Variants in CHN2 observed in about 807,000 individuals in gnomAD.
CHN2 encodes beta-chimaerin.
CHN2 carries 35 observed loss-of-function variants against 56.3 expected under a neutral mutation model. The ratio of observed to expected loss-of-function variants is 0.62; its 90% confidence interval spans 0.47 to 0.82. The LOEUF is 0.82. Among genes scored for constraint, CHN2 ranks in the 40% least tolerant of loss-of-function variants. The pLI is 0.00. For synonymous variants in CHN2, 210 were observed against 212.8 expected (o/e 0.99, Z 0.12); for missense variants, 491 against 580.5 (o/e 0.85, Z 1.58).
At chr7:29,401,611 G>A (rs571149000) in intron 6 of CHN2, among the ~76,000 whole-genome samples, 2 of 152,278 alleles carry the variant, frequency 1.3e-5, no homozygotes, top group East Asian at 3.9e-4. Context: ...AGGTTTCACT[G>A]ACAGATATGG....
At chr7:29,168,101 A>G (rs573661345) in intron 2 of CHN2, among the ~76,000 whole-genome samples, 99 of 152,348 alleles carry the variant, frequency 6.5e-4, no homozygotes, top group African/African-American at 2.3e-3. Context: ...TACCTAGCAT[A>G]TCATAACATA....
chr7:29,325,729 CT>C lies in CHN2; in HGVS notation c.50-28894del, dbSNP rs1795746453. Among the ~76,000 whole-genome samples the C allele has an allele frequency of 2.6e-5, 4 of 152,348 alleles. No individual in the cohort carries two copies. In the South Asian group the frequency reaches 8.3e-4, roughly 32 times the overall value. On this transcript the variant is annotated intron_variant, in intron 1 of 12. Coordinates refer to ENST00000222792, the MANE Select transcript of CHN2 (RefSeq NM_004067.4). ...AAAGGAAAACACCCTGAATTGCTCACTTACGGCTGGTCTGAAAAATGTTTCC... is the reference window on the plus strand; with the variant it reads ...AAAGGAAAACACCCTGAATTGCTCACTACGGCTGGTCTGAAAAATGTTTCC...
chr7:29,417,316 A>AT (rs5883208), intron 6 of CHN2, among the ~76,000 whole-genome samples: 65,089 of 147,420 alleles, frequency 0.44, 15,679 homozygotes, highest in East Asian at 0.63. Context: ...TCTTTGTGAC[A>AT]TTTTTTTACT....
chr7:29,338,333 G>A (rs1796782706), intron 1 of CHN2, among the ~76,000 whole-genome samples: 1 of 152,184 alleles, frequency 6.6e-6, no homozygotes, highest in African/African-American at 2.4e-5. Flanking sequence ...AGTGCTGTTT[G>A]GAAATGAAGT....
intron 6 of CHN2, among the ~76,000 whole-genome samples, chr7:29,475,239 A>C (rs954265857): frequency 6.6e-5 from 10 of 152,316 alleles, no homozygotes; most frequent in African/African-American, 2.4e-4. Flanking sequence ...CATCAAAAAA[A>C]GAAGAAAAAA....
At chr7:29,234,852 C>A (rs1177841104) in intron 1 of CHN2, among the ~76,000 whole-genome samples, 1 of 152,158 alleles carries the variant, frequency 6.6e-6, no homozygotes, top group Non-Finnish European at 1.5e-5. Context: ...TTTTAATAAG[C>A]CTTTTCCCAA....
intron 1 of CHN2, among the ~76,000 whole-genome samples, chr7:29,313,710 T>C (rs939525379): frequency 6.6e-6 from 1 of 152,244 alleles, no homozygotes; most frequent in Non-Finnish European, 1.5e-5. Context: ...AAGAGACTCA[T>C]TGATACCTTG....
At chr7:29,320,382 CAG>C (rs1795247687) in intron 1 of CHN2, among the ~76,000 whole-genome samples, 2 of 152,178 alleles carry the variant, frequency 1.3e-5, no homozygotes, top group African/African-American at 4.8e-5. Context: ...ATCAGGTTGA[CAG>C]AGCCCTGCAG....
intron 1 of CHN2, among the ~76,000 whole-genome samples, chr7:29,340,656 GC>G (rs1250877325): frequency 6.6e-6 from 1 of 152,172 alleles, no homozygotes; most frequent in Non-Finnish European, 1.5e-5. Flanking sequence ...GAGACAAATT[GC>G]TCCCACCTCC....
chr7:29,277,391 G>A (rs1030649952), intron 1 of CHN2, among the ~76,000 whole-genome samples: 1 of 152,224 alleles, frequency 6.6e-6, no homozygotes, highest in African/African-American at 2.4e-5. Flanking sequence ...ATACTGGCAT[G>A]AAGGCAGGAC....
intron 1 of CHN2, among the ~76,000 whole-genome samples, chr7:29,265,343 C>T (rs1209622485): frequency 1.3e-5 from 2 of 152,142 alleles, no homozygotes; most frequent in Non-Finnish European, 2.9e-5. Flanking sequence ...GATCTGTTGC[C>T]AAAGAACAGG....
intron 1 of CHN2, among the ~76,000 whole-genome samples, chr7:29,314,460 TCA>T (rs745690596): frequency 2.0e-4 from 30 of 152,212 alleles, no homozygotes; most frequent in Non-Finnish European, 3.7e-4. Context: ...AAGATTGGTC[TCA>T]CAACCATGTC....
At chr7:29,261,485 T>G (rs930912573) in intron 1 of CHN2, among the ~76,000 whole-genome samples, 1 of 148,924 alleles carries the variant, frequency 6.7e-6, no homozygotes, top group Non-Finnish European at 1.5e-5. Flanking sequence ...CTTACCACCC[T>G]AAGGACCACA....
intron 1 of CHN2, among the ~76,000 whole-genome samples, chr7:29,324,605 C>CTT (rs67912096): frequency 6.9e-6 from 1 of 144,316 alleles, no homozygotes; most frequent in African/African-American, 2.6e-5. Context: ...TCAGCTGTGA[C>CTT]TTTTTTTTTT....
intron 1 of CHN2, among the ~76,000 whole-genome samples, chr7:29,198,633 T>G (rs892412576): frequency 2.0e-5 from 3 of 152,194 alleles, no homozygotes; most frequent in Non-Finnish European, 4.4e-5. Context: ...TAAAAAAAAG[T>G]TCTTATCCTT....
At chr7:29,169,880 G>GTGTATA (rs148266761) in intron 2 of CHN2, among the ~76,000 whole-genome samples, 83 of 150,042 alleles carry the variant, frequency 5.5e-4, no homozygotes, top group African/African-American at 1.8e-3. Flanking sequence ...GTGTGTGTGT[G>GTGTATA]TATATATATA....
At chr7:29,454,320 G>A (rs1207607580) in intron 6 of CHN2, among the ~76,000 whole-genome samples, 1 of 150,324 alleles carries the variant, frequency 6.7e-6, no homozygotes, top group Non-Finnish European at 1.5e-5. Context: ...TGTTAGTAGT[G>A]CTAGTCATTA....
At chr7:29,367,830 C>A in intron 2 of CHN2, 102 bp from the exon 3 acceptor site, 1 of 887,434 alleles carries the variant, frequency 1.1e-6, no homozygotes, top group Non-Finnish European at 1.6e-6. Context: ...TATTTACAAT[C>A]CTTGAGATGT....
intron 4 of CHN2, chr7:29,397,762 A>C (rs1801871118): frequency 6.6e-6 from 1 of 152,320 alleles, no homozygotes; most frequent in Non-Finnish European, 1.5e-5. Context: ...TTCCACATGC[A>C]TGTGTATGGG....
Sources: allele counts gnomAD v4.1 joint callset (sites outside exome capture counted in the v4.1 genomes callset), GRCh38; gene constraint gnomAD v4.1.1; transcripts MANE v1.5; gene names NCBI Gene and HGNC (gene_info 2026-07-23, HGNC 2026-07-21).